The following DGCR2 variants were observed in gnomAD, a reference collection of about 807,000 sequenced individuals.
DGCR2 encodes DiGeorge syndrome critical region gene 2, also known as integral membrane protein DGCR2/IDD.
Under a neutral mutation model 51.6 loss-of-function variants are expected in DGCR2, and 24 were observed. The observed-to-expected ratio is 0.47, with a 90% confidence interval of 0.34 to 0.65. The LOEUF is 0.65. Ranked by LOEUF, DGCR2 falls within the 30% of genes least tolerant of loss-of-function variation. The pLI is 0.01. For missense variants in DGCR2, 765 were observed against 772.1 expected, an observed-to-expected ratio of 0.99 and a Z score of 0.11; for synonymous variants, 340 against 315.4, an observed-to-expected ratio of 1.08 and a Z score of -0.82.
chr22:19,064,250 A>G (rs1300031517), intron 4 of DGCR2, among the ~76,000 whole-genome samples: 1 of 152,250 alleles, frequency 6.6e-6, no homozygotes, highest in African/African-American at 2.4e-5. Flanking sequence ...CCTCCGGGCT[A>G]TACCCTCTTG....
chr22:19,114,580 A>C (rs369280830), intron 1 of DGCR2, among the ~76,000 whole-genome samples: 1 of 152,302 alleles, frequency 6.6e-6, no homozygotes, highest in South Asian at 2.1e-4. Context: ...AGGCCCTAAG[A>C]AGCAGCCAGT....
At chr22:19,081,251 T>A (rs928910) in intron 2 of DGCR2, among the ~76,000 whole-genome samples, 1 of 152,342 alleles carries the variant, frequency 6.6e-6, no homozygotes, top group South Asian at 2.1e-4. Context: ...AATCAAGCAT[T>A]ATTTTGCTTC....
chr22:19,054,890 G>A (rs1320483211), intron 6 of DGCR2, among the ~76,000 whole-genome samples: 2 of 152,152 alleles, frequency 1.3e-5, no homozygotes, highest in African/African-American at 4.8e-5. Context: ...ATCACTTGAG[G>A]TCAGGAGTTC....
chr22:19,070,945 G>C (rs2082807559), intron 2 of DGCR2, among the ~76,000 whole-genome samples: 1 of 152,214 alleles, frequency 6.6e-6, no homozygotes, highest in Non-Finnish European at 1.5e-5. Flanking sequence ...GAGAGTCTGG[G>C]GGCCAGGCTG....
intron 5 of DGCR2, among the ~76,000 whole-genome samples, chr22:19,062,337 G>A (rs1314903002): frequency 6.6e-6 from 1 of 152,144 alleles, no homozygotes; most frequent in African/African-American, 2.4e-5. Context: ...TGTCCCAGCA[G>A]CCAGGCATGG....
chr22:19,096,205 A>C (rs1046384724), intron 1 of DGCR2, among the ~76,000 whole-genome samples: 19 of 152,218 alleles, frequency 1.2e-4, no homozygotes, highest in African/African-American at 4.6e-4. Context: ...TGGAACATGA[A>C]TGGAACTGGA....
intron 1 of DGCR2, among the ~76,000 whole-genome samples, chr22:19,115,961 T>C (rs959224731): frequency 1.3e-5 from 2 of 152,270 alleles, no homozygotes; most frequent in African/African-American, 2.4e-5. Context: ...TTTTGCCTGA[T>C]GAAGAGTTTG....
intron 1 of DGCR2, among the ~76,000 whole-genome samples, chr22:19,097,476 C>T (rs978429791): frequency 6.6e-6 from 1 of 152,004 alleles, no homozygotes; most frequent in Non-Finnish European, 1.5e-5. Flanking sequence ...TGCTCGAATC[C>T]GGGAGGCGGA....
intron 6 of DGCR2, among the ~76,000 whole-genome samples, chr22:19,050,834 A>G (rs2082540462): frequency 6.6e-6 from 1 of 152,214 alleles, no homozygotes; most frequent in Non-Finnish European, 1.5e-5. Context: ...TTTTAGGAAA[A>G]AAACACAGAA....
At chr22:19,113,723 A>T (rs770115489) in intron 1 of DGCR2, among the ~76,000 whole-genome samples, 15 of 152,156 alleles carry the variant, frequency 9.9e-5, no homozygotes, top group Non-Finnish European at 2.1e-4. Flanking sequence ...ACCTACTGTT[A>T]TGTAGGTTTG....
Position 19,041,857 on chromosome 22 carries a change from C to T in DGCR2, c.1109G>A (p.Arg370Gln), listed in dbSNP as rs747268032. 1.2e-5 allele frequency: 19 copies of T among 1,613,124 alleles called. No homozygotes were observed. The highest frequency in any genetic ancestry group is 4.5e-5 in the East Asian group (2 of 44,880). ...GCGCTCCCGGCGCCGCTGGCGCAGC[C>T]GGTGGACCATGAAGAGCAGCAGTGA... ...ILSLLLFMVH[R>Q]LRQRRRERIE... The change falls in exon 8 of 10, where the codon CGG becomes CAG. Residue 370 changes from arginine to glutamine, a missense_variant. Arg to Gln is a conservative substitution (Grantham distance 43, BLOSUM62 1). This residue lies in a region of DGCR2 where 190 missense variants were observed against 265.2 expected (regional missense o/e 0.72). Coordinates refer to ENST00000263196, the MANE Select transcript of DGCR2 (RefSeq NM_005137.3).
chr22:19,115,309 C>T (rs115537459), intron 1 of DGCR2, among the ~76,000 whole-genome samples: 1 of 152,212 alleles, frequency 6.6e-6, no homozygotes, highest in Non-Finnish European at 1.5e-5. Context: ...CCCCTCAACC[C>T]TCCACCCCAG....
chr22:19,074,001 G>T (rs1276535620), intron 2 of DGCR2, among the ~76,000 whole-genome samples: 1 of 152,170 alleles, frequency 6.6e-6, no homozygotes, highest in Non-Finnish European at 1.5e-5. Flanking sequence ...AGGGGCCAAA[G>T]AACTCTGACT....
At chr22:19,077,495 G>A (rs1190013453) in intron 2 of DGCR2, among the ~76,000 whole-genome samples, 1 of 152,140 alleles carries the variant, frequency 6.6e-6, no homozygotes, top group East Asian at 1.9e-4. Flanking sequence ...TTTGACCACT[G>A]TATGCAAGGA....
chr22:19,096,632 G>GA (rs1569079980), intron 1 of DGCR2, among the ~76,000 whole-genome samples: 8 of 151,506 alleles, frequency 5.3e-5, no homozygotes, highest in South Asian at 2.1e-4. Flanking sequence ...GCAGGAAAAA[G>GA]GAAAAAAAAA....
At chr22:19,101,408 C>T (rs1351252927) in intron 1 of DGCR2, among the ~76,000 whole-genome samples, 2 of 152,012 alleles carry the variant, frequency 1.3e-5, no homozygotes, top group Non-Finnish European at 2.9e-5. Context: ...ATGTAGTACC[C>T]CATGGGCAAC....
intron 1 of DGCR2, among the ~76,000 whole-genome samples, chr22:19,119,836 G>C (rs762338252): frequency 9.2e-5 from 14 of 151,890 alleles, no homozygotes; most frequent in Non-Finnish European, 1.8e-4. Flanking sequence ...CTGTACCAGA[G>C]AGGAAGCCCA....
At chr22:19,059,222 A>G (rs2238736) in intron 5 of DGCR2, among the ~76,000 whole-genome samples, 65,197 of 151,916 alleles carry the variant, frequency 0.43, 14,345 homozygotes, top group African/African-American at 0.53. Flanking sequence ...AAGGACCCCC[A>G]GCAGCTGTGT....
At chr22:19,077,143 C>T (rs2059520780) in intron 2 of DGCR2, among the ~76,000 whole-genome samples, 1 of 152,080 alleles carries the variant, frequency 6.6e-6, no homozygotes, top group African/African-American at 2.4e-5. Flanking sequence ...TGTAGGCTGC[C>T]TTTTCACTCT....
Sources: allele counts gnomAD v4.1 joint callset (sites outside exome capture counted in the v4.1 genomes callset), GRCh38; gene constraint gnomAD v4.1.1; regional missense constraint gnomAD v4.1.1; transcripts MANE v1.5; gene names NCBI Gene and HGNC (gene_info 2026-07-23, HGNC 2026-07-21).